Variants in KIF27 observed in about 807,000 individuals in gnomAD.
KIF27 encodes the protein kinesin-like protein KIF27.
A neutral mutation model predicts 141.8 loss-of-function variants in KIF27; 84 were observed. The ratio of observed to expected loss-of-function variants is 0.59; its 90% CI spans 0.50 to 0.71. The LOEUF (loss-of-function observed/expected upper bound fraction) is 0.71, where lower values mean the gene tolerates loss of function less well. Among genes scored for constraint, KIF27 ranks in the 30% least tolerant of loss-of-function variants. The pLI is 0.00. For missense variants in KIF27, 1,306 were observed against 1,628.4 expected (o/e 0.80, Z 3.41); for synonymous variants, 471 against 569.5 (o/e 0.83, Z 2.46).
chr9:83,916,389 T>C (rs375238304), intron 1 of KIF27, among the ~76,000 whole-genome samples: 4 of 152,212 alleles, frequency 2.6e-5, no homozygotes, highest in Admixed American at 1.3e-4. Flanking sequence ...CATTGAAAAA[T>C]AGCATCTCCT....
chr9:83,884,366 T>C (rs1025070604), intron 9 of KIF27, among the ~76,000 whole-genome samples: 47 of 152,144 alleles, frequency 3.1e-4, no homozygotes, highest in African/African-American at 1.1e-3. Flanking sequence ...TCCTCTTGCT[T>C]AGTATACTCC....
At chr9:83,854,686 C>T (rs1415855664) in intron 14 of KIF27, among the ~76,000 whole-genome samples, 1 of 152,174 alleles carries the variant, frequency 6.6e-6, no homozygotes, top group African/African-American at 2.4e-5. Context: ...CAGGCACATG[C>T]CACCATGCCC....
intron 4 of KIF27, among the ~76,000 whole-genome samples, chr9:83,901,640 C>T (rs1395980484): frequency 6.6e-6 from 1 of 151,980 alleles, no homozygotes. Flanking sequence ...TTTGGGAGGC[C>T]GAGGCGGGCG....
chr9:83,875,581 A>G (rs1389428893), intron 11 of KIF27, among the ~76,000 whole-genome samples: 12 of 152,208 alleles, frequency 7.9e-5, no homozygotes, highest in Non-Finnish European at 1.2e-4. Context: ...CAGAGACCAG[A>G]GCCATGAGGA....
chr9:83,916,961 C>T (rs1955756162), intron 1 of KIF27, among the ~76,000 whole-genome samples: 1 of 151,908 alleles, frequency 6.6e-6, no homozygotes, highest in Non-Finnish European at 1.5e-5. Flanking sequence ...CCGCGCACGA[C>T]AGAACACTCT....
At chr9:83,857,706 C>T (rs1357848872) in intron 14 of KIF27, among the ~76,000 whole-genome samples, 5 of 152,128 alleles carry the variant, frequency 3.3e-5, no homozygotes, top group South Asian at 2.1e-4. Flanking sequence ...CTGTCTAAAA[C>T]GGACTTCTTT....
chr9:83,857,436 G>A (rs1478245702), intron 14 of KIF27, among the ~76,000 whole-genome samples: 1 of 152,114 alleles, frequency 6.6e-6, no homozygotes, highest in Non-Finnish European at 1.5e-5. Context: ...TGGAAGAAAG[G>A]TGCATAGAAG....
chr9:83,907,114 C>T (rs1387704516), intron 3 of KIF27, among the ~76,000 whole-genome samples: 1 of 151,704 alleles, frequency 6.6e-6, no homozygotes, highest in Non-Finnish European at 1.5e-5. Context: ...CACGGTGAAA[C>T]CCTGTCTCTA....
chr9:83,838,123 A>G (rs1946111567), intron 17 of KIF27, among the ~76,000 whole-genome samples: 1 of 152,234 alleles, frequency 6.6e-6, no homozygotes, highest in African/African-American at 2.4e-5. Flanking sequence ...CAAAGACAAA[A>G]ACTTGCTTAA....
At chr9:83,904,092 TA>T (rs1954235717) in intron 3 of KIF27, 74 bp from the exon 4 acceptor site, 1 of 1,180,826 alleles carries the variant, frequency 8.5e-7, no homozygotes, top group Admixed American at 2.3e-5. Flanking sequence ...TACCATTTGC[TA>T]AACAGCCTGG....
At chr9:83,841,712 T>C (rs563498712) in intron 17 of KIF27, among the ~76,000 whole-genome samples, 8 of 152,352 alleles carry the variant, frequency 5.3e-5, no homozygotes, top group African/African-American at 1.9e-4. Flanking sequence ...TTGCAAAGTA[T>C]ATTTTGTCAT....
chr9:83,897,477 A>G (rs910110033), intron 5 of KIF27, among the ~76,000 whole-genome samples: 13 of 152,224 alleles, frequency 8.5e-5, no homozygotes, highest in African/African-American at 3.1e-4. Context: ...CTGGAGGACT[A>G]TACAGCTAAA....
intron 5 of KIF27, among the ~76,000 whole-genome samples, chr9:83,899,219 A>G (rs1385292110): frequency 6.6e-6 from 1 of 152,230 alleles, no homozygotes; most frequent in East Asian, 1.9e-4. Flanking sequence ...TGTTAATATA[A>G]TAGGAAAGCT....
At chr9:83,864,035 T>A (rs1950160496) in intron 13 of KIF27, among the ~76,000 whole-genome samples, 1 of 152,196 alleles carries the variant, frequency 6.6e-6, no homozygotes. Flanking sequence ...CCCTTTATCA[T>A]TTTTTATTGC....
intron 5 of KIF27, among the ~76,000 whole-genome samples, chr9:83,896,076 CAAA>C (rs1306279130): frequency 7.3e-5 from 7 of 96,402 alleles, no homozygotes; most frequent in Non-Finnish European, 1.1e-4. Flanking sequence ...AAAAAAAAAA[CAAA>C]ACACACACAA....
intron 3 of KIF27, among the ~76,000 whole-genome samples, chr9:83,907,635 C>CA (rs1009146869): frequency 2.3e-4 from 35 of 149,560 alleles, no homozygotes; most frequent in South Asian, 1.3e-3. Context: ...AGGAACACAA[C>CA]AAAAAAAAAC....
intron 3 of KIF27, among the ~76,000 whole-genome samples, chr9:83,904,361 C>T (rs1313007762): frequency 1.3e-5 from 2 of 151,396 alleles, no homozygotes; most frequent in African/African-American, 4.9e-5. Context: ...TTTGTAAAGC[C>T]TAATAGATTA....
intron 13 of KIF27, 22 bp downstream of exon 13, chr9:83,867,662 A>G (rs771250185): frequency 2.5e-6 from 4 of 1,574,580 alleles, no homozygotes; most frequent in Non-Finnish European, 3.4e-6. Context: ...ACCAGAATCA[A>G]GTAGTGTATT....
rs1159419437 is a variant in KIF27, at chr9:83,863,295, C to T, written c.2935-3924G>A. 1.2e-4 allele frequency among the ~76,000 whole-genome samples: 19 copies of T among 152,180 alleles called. No individual in the cohort carries two copies. The East Asian group carries it at 2.7e-3, about 22-fold the overall frequency. On this transcript the variant is annotated intron_variant, in intron 13 of 17. Coordinates refer to ENST00000297814, the MANE Select transcript of KIF27 (RefSeq NM_017576.4). ...GCTTCCAGTTTTTGCCCATTCAGTA[C>T]GATATTGGCTGTAGGTTTGTCATAA...
Sources: allele counts gnomAD v4.1 joint callset (sites outside exome capture counted in the v4.1 genomes callset), GRCh38; gene constraint gnomAD v4.1.1; transcripts MANE v1.5; gene names NCBI Gene and HGNC (gene_info 2026-07-23, HGNC 2026-07-21).